Variants in PIGR observed in about 807,000 individuals in gnomAD.
The protein encoded by PIGR is hepatocellular carcinoma associated protein TB6.
PIGR carries 22 observed loss-of-function variants against 69.5 expected under a neutral mutation model. That is an observed-to-expected ratio of 0.32 (90% CI 0.23 to 0.45). The LOEUF is 0.45. Among genes scored for constraint, PIGR ranks in the 20% least tolerant of loss-of-function variants. The probability of loss-of-function intolerance (pLI) is 1.00; values close to 1 mark genes in which losing one functional copy is unlikely to be tolerated. For missense variants in PIGR, 885 were observed against 974.0 expected (o/e 0.91, Z 1.22); for synonymous variants, 413 against 407.6 (o/e 1.01, Z -0.16).
rs1244626975 is a variant in PIGR, at chr1:206,932,571, C to T, written c.1893G>A (p.Glu631=). The T allele has an allele frequency of 1.2e-6, 2 of 1,612,198 alleles. No homozygotes were observed. Among genetic ancestry groups the T allele is most frequent in the Non-Finnish European group, 1.7e-6 (2 of 1,179,268 alleles). Residue 631 remains glutamate (E), a synonymous_variant, in exon 8 of 11, where the codon GAG becomes GAA. Coordinates refer to ENST00000356495, the MANE Select transcript of PIGR (RefSeq NM_002644.4). ...GCGCTCTGGAGCTTCCACCTTGTTC[C>T]TCAGAGCTGGAAGAAGGCTTAAGTT... ...SRASVDSGSS[E]EQGGSSRALV...
intron 2 of PIGR, 48 bp from the exon 3 acceptor site, chr1:206,939,511 G>T: frequency 7.3e-7 from 1 of 1,378,088 alleles, no homozygotes; most frequent in Non-Finnish European, 1.0e-6. Context: ...GGGAGGTAAA[G>T]CCTGTTCCAG....
At chr1:206,938,044 C>T (rs763667497) in intron 3 of PIGR, among the ~76,000 whole-genome samples, 3 of 152,206 alleles carry the variant, frequency 2.0e-5, no homozygotes, top group Non-Finnish European at 2.9e-5. Flanking sequence ...CTGGAAGTTC[C>T]TTGAAGGCTG....
Position 206,937,369 on chromosome 1 carries a change from A to G in PIGR, c.771T>C (p.Cys257=). ...CGTTTGCCACCTCAGGGCCCAGGGCACAGTGGAAGGTCACTGAGCCCCTCA... is the reference window on the plus strand; with the variant it reads ...CGTTTGCCACCTCAGGGCCCAGGGCGCAGTGGAAGGTCACTGAGCCCCTCA... ...EDLRGSVTFH[C]ALGPEVANVA... Residue 257 remains cysteine, a synonymous_variant, in exon 4 of 11, where the codon TGT becomes TGC. Coordinates refer to ENST00000356495, the MANE Select transcript of PIGR (RefSeq NM_002644.4). The G allele has an allele frequency of 1.2e-6, 2 of 1,613,882 alleles. No individual in the cohort carries two copies. The highest frequency in any genetic ancestry group is 1.7e-6 in the Non-Finnish European group (2 of 1,179,824).
intron 10 of PIGR, chr1:206,931,203 T>C (rs1451261625): frequency 1.0e-6 from 1 of 985,322 alleles, no homozygotes; most frequent in African/African-American, 1.7e-5. Context: ...GCATTGTAGC[T>C]TCCCATCTTT....
At position 206,934,583 on chromosome 1, in the gene PIGR, G is replaced by T; in HGVS notation, c.1542C>A (p.Ser514Arg). 6.2e-7 allele frequency: 1 copy of T among 1,614,254 alleles called. No homozygotes were observed. Among genetic ancestry groups the T allele is most frequent in the Non-Finnish European group, 8.5e-7 (1 of 1,180,032 alleles). ...QALPSQDEGPSKAFVNCDENS... is the reference protein window; with the variant it reads ...QALPSQDEGPRKAFVNCDENS... ...TCTCGTCACAGTTCACGAAGGCCTT[G>T]CTGGGGCCTTCGTCTTGGCTGGGCA... The change falls in exon 6 of 11, where the codon AGC (serine) becomes AGA (arginine). Residue 514 changes from serine (S) to arginine (R), a missense_variant. Ser to Arg is a moderately radical substitution (Grantham distance 110). Coordinates refer to ENST00000356495, the MANE Select transcript of PIGR (RefSeq NM_002644.4).
At chr1:206,944,625 T>G (rs998745447) in intron 1 of PIGR, among the ~76,000 whole-genome samples, 2 of 152,228 alleles carry the variant, frequency 1.3e-5, no homozygotes, top group South Asian at 2.1e-4. Context: ...CCAGGCATGT[T>G]GACGCCAAAG....
chr1:206,942,945 T>C (rs907526320), intron 1 of PIGR, among the ~76,000 whole-genome samples: 2 of 152,184 alleles, frequency 1.3e-5, no homozygotes, highest in African/African-American at 4.8e-5. Context: ...GAGCTCTTCT[T>C]TGCCCAAAGC....
In PIGR at chr1:206,937,134, C is replaced by T; in HGVS notation, c.1006G>A (p.Gly336Ser). 6.2e-7 allele frequency: 1 copy of T among 1,611,162 alleles called. No individual in the cohort carries two copies. The change falls in exon 4 of 11, where the codon GGC (glycine) becomes AGC (serine). Residue 336 changes from glycine (G) to serine (S), a missense_variant. By Grantham distance (56) the Gly-to-Ser change is moderately conservative. Transcript: ENST00000356495. The stretch of plus-strand genomic sequence containing the variant: ...AGTTGCCAGGCCTGGATAGGCGAGC[C>T]TTCCTGCAGCTGACCATCCGAATGG... Reference protein sequence around the residue: ...GAHSDGQLQEGSPIQAWQLFV... With the variant: ...GAHSDGQLQESSPIQAWQLFV...
In PIGR at chr1:206,930,792, C is replaced by T. The variant is rs899539233; in HGVS notation, c.2200-379G>A. ...AGCCCAGACAGGTAGCTTTTTGGCA[C>T]CACAAAGTTAAAGGGGAAGGCTGTC... is the stretch of plus-strand genomic sequence containing the variant. On this transcript the variant is annotated intron_variant, in intron 10 of 10. Transcript: ENST00000356495. This position sits in a 1 kb window ranked among gnomAD's most constrained non-coding sequence, Gnocchi z 4.3. 4 of 985,300 alleles carry T rather than the reference C, an allele frequency of 4.1e-6. No homozygotes were observed. Among genetic ancestry groups the T allele is most frequent in the Non-Finnish European group, 1.2e-6 (1 of 829,884 alleles). The allele number at this position is 985,300 out of a possible 1,614,324, so 61.0% of individuals were successfully genotyped here. A position where few individuals can be genotyped will look rare whatever the true frequency, so the allele number is the denominator to read the frequency against.
intron 1 of PIGR, among the ~76,000 whole-genome samples, chr1:206,943,929 C>T (rs1045049035): frequency 3.3e-5 from 5 of 152,078 alleles, no homozygotes; most frequent in Admixed American, 6.6e-5. Context: ...ATGGGCAACC[C>T]CATTTCATGA....
rs1320949821 is a variant in PIGR at position 206,939,352 on chromosome 1, C to T, written c.155G>A (p.Arg52Gln). Reference protein sequence around the residue: ...YPPTSVNRHTRKYWCRQGARG... With the variant: ...YPPTSVNRHTQKYWCRQGARG... ...AGCTCCCTGCCGGCACCAGTACTTC[C>T]GGGTGTGCCGGTTGACAGAGGTGGG... Residue 52 changes from arginine to glutamine, a missense_variant, in exon 3 of 11, where the codon CGG becomes CAG. Transcript: ENST00000356495. 1.2e-6 allele frequency: 2 copies of T among 1,614,216 alleles called. No homozygotes were observed. Among genetic ancestry groups the T allele is most frequent in the Non-Finnish European group, 1.7e-6 (2 of 1,180,024 alleles).
chr1:206,942,789 T>C (rs1680014103), intron 1 of PIGR, among the ~76,000 whole-genome samples: 1 of 152,174 alleles, frequency 6.6e-6, no homozygotes, highest in African/African-American at 2.4e-5. Context: ...TGTGCACCCA[T>C]TACCCTCTGC....
At chr1:206,938,977 T>C (rs901654960) in intron 3 of PIGR, 142 bp downstream of exon 3, 14 of 668,562 alleles carry the variant, frequency 2.1e-5, no homozygotes, top group Non-Finnish European at 3.3e-5. Context: ...GTTAAAGAAG[T>C]CTTTGCCTGG....
intron 1 of PIGR, among the ~76,000 whole-genome samples, chr1:206,943,541 G>A (rs1041158995): frequency 6.6e-6 from 1 of 152,118 alleles, no homozygotes; most frequent in Non-Finnish European, 1.5e-5. Context: ...TTGTGGATTG[G>A]GGCAGGAGTG....
At chr1:206,944,088 A>G (rs1680051408) in intron 1 of PIGR, among the ~76,000 whole-genome samples, 3 of 152,230 alleles carry the variant, frequency 2.0e-5, no homozygotes, top group Admixed American at 1.3e-4. Flanking sequence ...GAAGCAGTGG[A>G]GAGAGGAAGA....
rs950559331 is a variant in PIGR at position 206,929,963 on chromosome 1, G to A, written c.*355C>T. ...GGGAAAAATTCTGTTGACATCCCAT[G>A]ATAAGGGTGCAGAGGGGCGCTGCAC... On this transcript the variant is annotated 3_prime_UTR_variant, in exon 11 of 11. Coordinates refer to ENST00000356495, the MANE Select transcript of PIGR (RefSeq NM_002644.4). The A allele has an allele frequency of 9.0e-6, 2 of 222,112 alleles. No homozygotes were observed. Among genetic ancestry groups the A allele is most frequent in the South Asian group, 1.8e-4 (1 of 5,514 alleles). 13.8% of individuals were successfully genotyped at this position (222,112 alleles called of 1,614,324 possible). A position where few individuals can be genotyped will look rare whatever the true frequency, so the allele number is the denominator to read the frequency against.
chr1:206,933,864 G>A (rs1679810673), intron 6 of PIGR, among the ~76,000 whole-genome samples: 1 of 152,010 alleles, frequency 6.6e-6, no homozygotes, highest in South Asian at 2.1e-4. Context: ...TGGCAACTAT[G>A]GGACTTGTCT....
intron 6 of PIGR, among the ~76,000 whole-genome samples, chr1:206,933,442 A>AT (rs1679801485): frequency 6.6e-6 from 1 of 152,112 alleles, no homozygotes; most frequent in African/African-American, 2.4e-5. Flanking sequence ...CCCATCACTT[A>AT]TGCCCGGGAG....
chr1:206,937,848 G>T, intron 3 of PIGR, 97 bp from the exon 4 acceptor site: 1 of 1,132,860 alleles, frequency 8.8e-7, no homozygotes, highest in Non-Finnish European at 1.3e-6. Flanking sequence ...GGGTGTGGGT[G>T]GACTTATAAC....
Sources: allele counts gnomAD v4.1 joint callset (sites outside exome capture counted in the v4.1 genomes callset), GRCh38; gene constraint gnomAD v4.1.1; non-coding constraint Gnocchi (gnomAD v3.1); transcripts MANE v1.5; gene names NCBI Gene and HGNC (gene_info 2026-07-23, HGNC 2026-07-21).